TEAD4: variants seen among roughly 807,000 people sequenced by gnomAD.
TEAD4 encodes transcriptional enhancer factor TEF-3.
TEAD4 carries 36 observed loss-of-function variants against 52.4 expected under a neutral mutation model. The ratio of observed to expected loss-of-function variants is 0.69; its 90% CI spans 0.53 to 0.91. The LOEUF is 0.91. Ranked by LOEUF, TEAD4 falls within the 40% of genes least tolerant of loss-of-function variation. TEAD4 has a pLI of 0.00. For synonymous variants in TEAD4, 220 were observed against 231.0 expected, an observed-to-expected ratio of 0.95 and a Z score of 0.43; for missense variants, 508 against 583.9, an observed-to-expected ratio of 0.87 and a Z score of 1.34.
At chr12:2,987,687 G>C (rs1322524932) in intron 2 of TEAD4, among the ~76,000 whole-genome samples, 3 of 151,712 alleles carry the variant, frequency 2.0e-5, no homozygotes, top group Non-Finnish European at 4.4e-5. Flanking sequence ...CTCCCAAAGT[G>C]CTGGGATTAC....
chr12:2,971,087 G>C (rs958532888), intron 2 of TEAD4, among the ~76,000 whole-genome samples: 8 of 152,242 alleles, frequency 5.3e-5, no homozygotes, highest in African/African-American at 1.9e-4. Context: ...GCCCGGCACT[G>C]TGCTAGGTGC....
At chr12:2,983,824 C>T (rs1483959346) in intron 2 of TEAD4, among the ~76,000 whole-genome samples, 1 of 152,216 alleles carries the variant, frequency 6.6e-6, no homozygotes, top group Non-Finnish European at 1.5e-5. Flanking sequence ...ATTCTGTGTT[C>T]ATCAGCTCTG....
At chr12:3,004,655 AG>A (rs2098254410) in intron 3 of TEAD4, among the ~76,000 whole-genome samples, 1 of 152,166 alleles carries the variant, frequency 6.6e-6, no homozygotes, top group Non-Finnish European at 1.5e-5. Flanking sequence ...AGCTGTTGTG[AG>A]GATCGAAAGG....
At chr12:3,006,720 A>G (rs1418818758) in intron 3 of TEAD4, among the ~76,000 whole-genome samples, 1 of 151,884 alleles carries the variant, frequency 6.6e-6, no homozygotes, top group African/African-American at 2.4e-5. Context: ...AAAATAAAGA[A>G]GAAAGAAAAA....
chr12:2,999,570 A>G (rs4759435), intron 3 of TEAD4, among the ~76,000 whole-genome samples: 137,185 of 152,240 alleles, frequency 0.9, 62,068 homozygotes, highest in East Asian at 1. Context: ...TGTTGGCTCC[A>G]GCCCTCCCCT....
chr12:2,995,019 G>A, intron 3 of TEAD4, 27 bp downstream of exon 3: 3 of 1,604,370 alleles, frequency 1.9e-6, no homozygotes, highest in Middle Eastern at 1.7e-4. Flanking sequence ...GTTCAGCCCT[G>A]TACCTGAGGC....
chr12:2,988,394 C>A (rs1459551962), intron 2 of TEAD4, among the ~76,000 whole-genome samples: 1 of 151,146 alleles, frequency 6.6e-6, no homozygotes, highest in Non-Finnish European at 1.5e-5. Flanking sequence ...TGGCGGGTGC[C>A]TATAATCCCA....
intron 2 of TEAD4, among the ~76,000 whole-genome samples, chr12:2,969,388 G>A (rs1336627853): frequency 6.6e-6 from 1 of 152,180 alleles, no homozygotes; most frequent in East Asian, 1.9e-4. Flanking sequence ...GAGCATCCTC[G>A]GGTTTCAGTA....
rs977679587 is a variant in TEAD4, at chr12:2,994,631, C to T, written c.-29-107C>T. 7.2e-7 allele frequency: 1 copy of T among 1,394,250 alleles called. No homozygotes were observed. The highest frequency in any genetic ancestry group is 2.6e-4 in the Middle Eastern group (1 of 3,796). The allele number at this position is 1,394,250 out of a possible 1,614,324, so 86.4% of individuals were successfully genotyped here. A position where few individuals can be genotyped will look rare whatever the true frequency, so the allele number is the denominator to read the frequency against. On this transcript the variant is annotated intron_variant, in intron 2 of 12. Transcript: ENST00000359864. This position sits in a 1 kb window ranked among gnomAD's most constrained non-coding sequence, Gnocchi z 4.7. The stretch of plus-strand genomic sequence containing the variant: ...CACAGATCTTTCACTTCACGCTTTG[C>T]TTCCTGAGCAACTGATTCGGGCTCT...
intron 5 of TEAD4, among the ~76,000 whole-genome samples, chr12:3,012,965 T>C (rs2098261529): frequency 6.6e-6 from 1 of 152,208 alleles, no homozygotes; most frequent in Admixed American, 6.5e-5. Flanking sequence ...TATTTATTTA[T>C]TTTTAGAGAC....
intron 10 of TEAD4, among the ~76,000 whole-genome samples, chr12:3,028,597 C>G (rs1404253044): frequency 6.6e-6 from 1 of 151,980 alleles, no homozygotes; most frequent in Admixed American, 6.6e-5. Context: ...ATTCGTATAT[C>G]TTCTTTGTAG....
intron 10 of TEAD4, among the ~76,000 whole-genome samples, chr12:3,036,371 A>AC (rs1252560759): frequency 7.3e-5 from 11 of 151,154 alleles, no homozygotes; most frequent in African/African-American, 2.7e-4. Context: ...GACAATCAAC[A>AC]CCCACCGCCA....
chr12:3,020,009 G>A (rs952646344), intron 8 of TEAD4, among the ~76,000 whole-genome samples: 8 of 152,062 alleles, frequency 5.3e-5, no homozygotes, highest in African/African-American at 1.9e-4. Flanking sequence ...ACCTCCTCTC[G>A]TCACCCTGTC....
chr12:3,033,643 C>T (rs1049998818), intron 10 of TEAD4, among the ~76,000 whole-genome samples: 8 of 152,218 alleles, frequency 5.3e-5, no homozygotes, highest in African/African-American at 9.6e-5. Context: ...CCCCCACACC[C>T]GGGCTGCGGC....
chr12:3,023,470 A>C (rs1054071339), intron 10 of TEAD4, among the ~76,000 whole-genome samples: 5 of 152,132 alleles, frequency 3.3e-5, no homozygotes, highest in Non-Finnish European at 7.3e-5. Context: ...AATGTTAATT[A>C]ATACCAGGAG....
At chr12:3,000,150 G>A (rs540966554) in intron 3 of TEAD4, among the ~76,000 whole-genome samples, 62 of 152,228 alleles carry the variant, frequency 4.1e-4, no homozygotes, top group Non-Finnish European at 7.4e-5. Flanking sequence ...AACTTCTCTG[G>A]ACAGTTAGCC....
chr12:3,012,514 G>A (rs982906926), intron 5 of TEAD4, among the ~76,000 whole-genome samples: 2 of 152,126 alleles, frequency 1.3e-5, no homozygotes, highest in Admixed American at 6.5e-5. Flanking sequence ...CAGAGCAGCC[G>A]GATCACCCAC....
rs534883869 is a variant in TEAD4 at position 2,971,279 on chromosome 12, G to C, written c.-30+11239G>C. Among the ~76,000 whole-genome samples the C allele has an allele frequency of 5.3e-5, 8 of 152,206 alleles. 1 individual carries two copies. The South Asian group carries it at 1.7e-3, about 32-fold the overall frequency. ...AGGAGGAGGCAGTTGAGCTGGCTTT[G>C]AGAGTGGGTGGGGTTCTGACAAGCG... On this transcript the variant is annotated intron_variant, in intron 2 of 12. Transcript: ENST00000359864.
At chr12:2,986,454 A>C (rs1316762290) in intron 2 of TEAD4, among the ~76,000 whole-genome samples, 1 of 151,904 alleles carries the variant, frequency 6.6e-6, no homozygotes, top group African/African-American at 2.4e-5. Context: ...CCTGGCCAAC[A>C]TGGTGAAACT....
Sources: allele counts gnomAD v4.1 joint callset (sites outside exome capture counted in the v4.1 genomes callset), GRCh38; gene constraint gnomAD v4.1.1; non-coding constraint Gnocchi (gnomAD v3.1); transcripts MANE v1.5; gene names NCBI Gene and HGNC (gene_info 2026-07-23, HGNC 2026-07-21).